Variants in TPCN1 observed in about 807,000 individuals in gnomAD.
TPCN1 encodes two pore channel protein 1.
Under a neutral mutation model 108.8 loss-of-function variants are expected in TPCN1, and 52 were observed. That is an observed-to-expected ratio of 0.48 (90% CI 0.38 to 0.60). TPCN1 has a LOEUF of 0.60. Ranked by LOEUF, TPCN1 falls within the 20% of genes least tolerant of loss-of-function variation. The pLI, the probability that TPCN1 is intolerant of heterozygous loss-of-function variation, is 0.00. For synonymous variants in TPCN1, 446 were observed against 433.7 expected (o/e 1.03, Z -0.35); for missense variants, 806 against 1,072.8 (o/e 0.75, Z 3.47).
At position 113,284,069 on chromosome 12, in the gene TPCN1, G is replaced by A. The variant is rs1303690297; in HGVS notation, c.1343-512G>A. Among the ~76,000 whole-genome samples, 1 of 152,234 alleles carries A rather than the reference G, an allele frequency of 6.6e-6. No homozygotes were observed. The highest frequency in any genetic ancestry group is 1.5e-5 in the Non-Finnish European group (1 of 68,040). ...CTGATGATCATTGAGATTGTTGCCAGTGTTTTGCTATCACAATAGTGCTGC... is the reference window on the plus strand; with the variant it reads ...CTGATGATCATTGAGATTGTTGCCAATGTTTTGCTATCACAATAGTGCTGC... On this transcript the variant is annotated intron_variant, in intron 15 of 27. Coordinates refer to ENST00000335509, the MANE Select transcript of TPCN1 (RefSeq NM_017901.6). The surrounding 1 kb of genome is among the most constrained non-coding windows in gnomAD (Gnocchi z 4.1).
At position 113,266,255 on chromosome 12, in the gene TPCN1, A is replaced by G; in HGVS notation, c.313A>G (p.Asn105Asp). The G allele has an allele frequency of 6.2e-7, 1 of 1,613,938 alleles. No homozygotes were observed. The highest frequency in any genetic ancestry group is 8.5e-7 in the Non-Finnish European group (1 of 1,180,002). ...KALAAYLFAH[N>D]HLFYLMELAT... ...GCTGGCGGCCTACCTCTTTGCACAC[A>G]ATCACCTCTTCTACCTGATGGAGCT... Residue 105 changes from asparagine (N) to aspartate (D), a missense_variant, in exon 4 of 28, where the codon AAT becomes GAT. By Grantham distance (23) the Asn-to-Asp change is conservative. Coordinates refer to ENST00000335509, the MANE Select transcript of TPCN1 (RefSeq NM_017901.6). This position sits in a 1 kb window ranked among gnomAD's most constrained non-coding sequence, Gnocchi z 4.2.
rs545213422 is a variant in TPCN1 at position 113,251,836 on chromosome 12, G to A, written c.113-8532G>A. 8.5e-5 allele frequency among the ~76,000 whole-genome samples: 13 copies of A among 152,216 alleles called. No individual in the cohort carries two copies. In the South Asian group the frequency reaches 1.4e-3, roughly 17 times the overall value. ...TAGTGGAGTGACACCGTGAGACTTC[G>A]GCCTTACCCGATTGATTCATCCTGC... On this transcript the variant is annotated intron_variant, in intron 2 of 27. Coordinates refer to ENST00000335509, the MANE Select transcript of TPCN1 (RefSeq NM_017901.6).
intron 15 of TPCN1, among the ~76,000 whole-genome samples, chr12:113,283,416 C>T (rs961943518): frequency 6.6e-6 from 1 of 152,030 alleles, no homozygotes; most frequent in Non-Finnish European, 1.5e-5. Context: ...AGGTGGATTG[C>T]TTGAGCCCAG....
At chr12:113,245,245 G>C (rs1954312648) in intron 2 of TPCN1, among the ~76,000 whole-genome samples, 1 of 151,816 alleles carries the variant, frequency 6.6e-6, no homozygotes, top group African/African-American at 2.4e-5. Context: ...CTCCAGCCTG[G>C]GCAACAGAGT....
chr12:113,257,279 G>A (rs1020320346), intron 2 of TPCN1, among the ~76,000 whole-genome samples: 1 of 152,152 alleles, frequency 6.6e-6, no homozygotes, highest in Non-Finnish European at 1.5e-5. Flanking sequence ...ATCACCTGAG[G>A]TTCGGAATTC....
intron 14 of TPCN1, among the ~76,000 whole-genome samples, chr12:113,279,361 A>G (rs774149394): frequency 0.018 from 668 of 37,360 alleles, 3 homozygotes; most frequent in African/African-American, 0.062. Flanking sequence ...GTGTGTGTGT[A>G]TATATATATA....
chr12:113,255,100 A>T (rs1255490285), intron 2 of TPCN1, among the ~76,000 whole-genome samples: 1 of 152,248 alleles, frequency 6.6e-6, no homozygotes, highest in Non-Finnish European at 1.5e-5. Flanking sequence ...GAAGAAATAA[A>T]ACTGTCCTTA....
intron 2 of TPCN1, among the ~76,000 whole-genome samples, chr12:113,238,315 A>AT (rs1161325084): frequency 9.2e-5 from 14 of 151,930 alleles, no homozygotes; most frequent in African/African-American, 3.4e-4. Flanking sequence ...AGTGCCGCTT[A>AT]TTTTTTTTCC....
chr12:113,246,538 C>G (rs545788430), intron 2 of TPCN1, among the ~76,000 whole-genome samples: 12 of 152,288 alleles, frequency 7.9e-5, no homozygotes, highest in South Asian at 2.1e-4. Context: ...AAATCCTGCC[C>G]GCCTGCCCAC....
chr12:113,261,677 C>T (rs1394041958), intron 3 of TPCN1, among the ~76,000 whole-genome samples: 2 of 152,122 alleles, frequency 1.3e-5, no homozygotes, highest in African/African-American at 4.8e-5. Context: ...GATCCGCCGA[C>T]CTCAGCCTCC....
At chr12:113,223,740 C>T (rs1478620525) in intron 1 of TPCN1, among the ~76,000 whole-genome samples, 3 of 152,034 alleles carry the variant, frequency 2.0e-5, no homozygotes, top group Non-Finnish European at 1.5e-5. Context: ...GACCAGGTTT[C>T]GCCATGTTGG....
chr12:113,237,624 G>C (rs1049634204), intron 2 of TPCN1, among the ~76,000 whole-genome samples: 3 of 152,170 alleles, frequency 2.0e-5, no homozygotes, highest in African/African-American at 7.2e-5. Flanking sequence ...CTCCCAAGGT[G>C]CTGGGATTAC....
At chr12:113,239,744 C>A (rs1954032255) in intron 2 of TPCN1, among the ~76,000 whole-genome samples, 1 of 152,244 alleles carries the variant, frequency 6.6e-6, no homozygotes. Context: ...TCCCCAGGAG[C>A]CCACACATGT....
intron 15 of TPCN1, among the ~76,000 whole-genome samples, chr12:113,282,713 C>T (rs1271257543): frequency 2.0e-5 from 3 of 149,124 alleles, no homozygotes; most frequent in Admixed American, 1.3e-4. Flanking sequence ...GCCATGATCG[C>T]GCCACTGCAC....
At chr12:113,295,705 C>T (rs576996288) in intron 27 of TPCN1, among the ~76,000 whole-genome samples, 1 of 152,284 alleles carries the variant, frequency 6.6e-6, no homozygotes, top group South Asian at 2.1e-4. Flanking sequence ...GTTGTTCCTG[C>T]CTGGGCCTGT....
At chr12:113,276,870 C>A in intron 10 of TPCN1, 49 bp from the exon 11 acceptor site, 1 of 1,352,378 alleles carries the variant, frequency 7.4e-7, no homozygotes. Flanking sequence ...CACTCCCTGC[C>A]CTAACCACTC....
At chr12:113,244,460 T>C (rs2136491030) in intron 2 of TPCN1, 1 of 985,386 alleles carries the variant, frequency 1.0e-6, no homozygotes, top group Non-Finnish European at 1.2e-6. Flanking sequence ...CAACCAATTA[T>C]CAGAAAGAGA....
chr12:113,281,024 T>C (rs1284418494), intron 15 of TPCN1, among the ~76,000 whole-genome samples: 1 of 152,182 alleles, frequency 6.6e-6, no homozygotes, highest in Non-Finnish European at 1.5e-5. Context: ...GTAAGACTGA[T>C]TTCATCAATC....
chr12:113,257,773 G>A (rs1954879236), intron 2 of TPCN1, among the ~76,000 whole-genome samples: 1 of 152,140 alleles, frequency 6.6e-6, no homozygotes, highest in African/African-American at 2.4e-5. Context: ...TTCATCAACA[G>A]GTGAATGGAT....
Sources: gnomAD v4.1 joint callset for allele counts (sites outside exome capture counted in the v4.1 genomes callset) on GRCh38, gnomAD v4.1.1 for gene constraint, Gnocchi (gnomAD v3.1) non-coding constraint, MANE v1.5 for transcripts, NCBI Gene and HGNC (gene_info 2026-07-23, HGNC 2026-07-21) for gene names.